Variants in SUZ12 observed in about 807,000 individuals in gnomAD.
SUZ12 encodes the protein SUZ12 polycomb repressive complex 2 subunit, also known as polycomb protein SUZ12.
A neutral mutation model predicts 87.3 loss-of-function variants in SUZ12; 17 were observed. The observed-to-expected ratio is 0.19, with a 90% CI of 0.13 to 0.29. The LOEUF (loss-of-function observed/expected upper bound fraction) is 0.29. Among genes scored for constraint, SUZ12 ranks in the 10% least tolerant of loss-of-function variants. SUZ12 has a pLI of 1.00. For missense variants in SUZ12, 526 were observed against 912.2 expected (o/e 0.58, Z 5.45); for synonymous variants, 253 against 312.4 (o/e 0.81, Z 2.01).
At chr17:31,974,268 C>G (rs998367915) in intron 6 of SUZ12, among the ~76,000 whole-genome samples, 1 of 152,114 alleles carries the variant, frequency 6.6e-6, no homozygotes, top group Admixed American at 6.5e-5. Flanking sequence ...GTGCTGGTGG[C>G]TCACGCCTGT....
chr17:31,938,897 A>G (rs1906103062), intron 1 of SUZ12, among the ~76,000 whole-genome samples: 1 of 152,204 alleles, frequency 6.6e-6, no homozygotes, highest in African/African-American at 2.4e-5. Context: ...CTGGTCATAA[A>G]ACAACTCGAA....
intron 10 of SUZ12, among the ~76,000 whole-genome samples, chr17:31,989,917 A>G (rs1909628051): frequency 1.3e-5 from 2 of 149,752 alleles, no homozygotes; most frequent in Admixed American, 6.7e-5. Context: ...CCCAGGAACT[A>G]TGTTTTTTAT....
At chr17:31,990,148 G>GTTTTTTTT (rs1567836883) in intron 10 of SUZ12, among the ~76,000 whole-genome samples, 3 of 127,062 alleles carry the variant, frequency 2.4e-5, no homozygotes, top group Non-Finnish European at 3.2e-5. Flanking sequence ...TTTTTTTTTG[G>GTTTTTTTT]ATTTTTAGTA....
At chr17:31,964,082 A>G (rs1907934179) in intron 4 of SUZ12, 1 of 152,070 alleles carries the variant, frequency 6.6e-6, no homozygotes, top group South Asian at 2.1e-4. Context: ...GCTGGAGTGC[A>G]GTGGTGCAAT....
chr17:31,946,913 A>G (rs371028670), intron 3 of SUZ12, among the ~76,000 whole-genome samples: 1 of 152,198 alleles, frequency 6.6e-6, no homozygotes, highest in African/African-American at 2.4e-5. Flanking sequence ...TAGTTTTATT[A>G]CGATTTGATG....
rs917888336 is a variant in SUZ12, at chr17:32,000,372, T to C, written c.*1369T>C. 3 of 232,694 alleles carry C rather than the reference T, an allele frequency of 1.3e-5. No individual in the cohort carries two copies. The highest frequency in any genetic ancestry group is 2.5e-5 in the Non-Finnish European group (3 of 117,800). The allele number at this position is 232,694 out of a possible 1,614,324, so 14.4% of individuals were successfully genotyped here. On this transcript the variant is annotated 3_prime_UTR_variant, in exon 16 of 16. Coordinates refer to ENST00000322652, the MANE Select transcript of SUZ12 (RefSeq NM_015355.4). ...TATAAAATGTAAATACTGATTTGAC[T>C]GGTCTTTAAGATGTGTTTAACTGTG...
intron 4 of SUZ12, among the ~76,000 whole-genome samples, chr17:31,965,155 A>T (rs571799): frequency 0.2 from 29,811 of 151,622 alleles, 3,050 homozygotes; most frequent in South Asian, 0.22. Context: ...TTAAAAAAAA[A>T]ATATATATAT....
intron 4 of SUZ12, among the ~76,000 whole-genome samples, chr17:31,964,575 T>A (rs1907975074): frequency 6.6e-6 from 1 of 151,674 alleles, no homozygotes; most frequent in African/African-American, 2.4e-5. Context: ...CCCAGCTAAT[T>A]TTTGTATTTT....
rs772968233 is a variant in SUZ12 at position 31,996,889 on chromosome 17, C to A, written c.1874+12C>A. 1 of 1,436,598 alleles carries A rather than the reference C, an allele frequency of 7.0e-7. No homozygotes were observed. The allele number at this position is 1,436,598 out of a possible 1,614,324, so 89.0% of individuals were successfully genotyped here. On this transcript the variant is annotated intron_variant, in intron 15 of 15. Transcript: ENST00000322652. ...GTCATGAAGCATGGGTAGGGTATTTCTAAATTAATTTAAATATTTTATTAT... is the reference window on the plus strand; with the variant it reads ...GTCATGAAGCATGGGTAGGGTATTTATAAATTAATTTAAATATTTTATTAT...
rs1419181659 is a variant in SUZ12 at position 31,974,273 on chromosome 17, G to A, written c.591+1042G>A. Among the ~76,000 whole-genome samples, 8 of 152,108 alleles carry A rather than the reference G, an allele frequency of 5.3e-5. No homozygotes were observed. The East Asian group carries it at 1.2e-3, about 22-fold the overall frequency. ...TCCTTGCCAGGTGCTGGTGGCTCAC[G>A]CCTGTAATCCCAGCACTTTGAGAGG... On this transcript the variant is annotated intron_variant, in intron 6 of 15. Transcript: ENST00000322652.
intron 11 of SUZ12, 140 bp from the exon 12 acceptor site, chr17:31,993,725 G>A: frequency 1.1e-6 from 1 of 894,270 alleles, no homozygotes; most frequent in Non-Finnish European, 1.6e-6. Context: ...TCGCGTCACT[G>A]GGCATATTTA....
At chr17:31,946,577 G>C (rs1906651350) in intron 3 of SUZ12, among the ~76,000 whole-genome samples, 1 of 152,148 alleles carries the variant, frequency 6.6e-6, no homozygotes, top group African/African-American at 2.4e-5. Flanking sequence ...AACTCTCTTT[G>C]AGGAATGAGA....
chr17:31,961,313 G>A (rs138920567), intron 4 of SUZ12, among the ~76,000 whole-genome samples: 1 of 152,144 alleles, frequency 6.6e-6, no homozygotes, highest in African/African-American at 2.4e-5. Context: ...CTGGGAGGCC[G>A]AGGTGGGTGG....
intron 10 of SUZ12, among the ~76,000 whole-genome samples, chr17:31,990,928 C>T (rs543646219): frequency 4.0e-5 from 6 of 151,870 alleles, no homozygotes; most frequent in South Asian, 2.1e-4. Context: ...TTGTATTTTT[C>T]GGTAGAGATG....
intron 4 of SUZ12, among the ~76,000 whole-genome samples, chr17:31,948,107 ATCTTTT>A (rs1906740670): frequency 6.6e-6 from 1 of 151,970 alleles, no homozygotes; most frequent in Non-Finnish European, 1.5e-5. Context: ...TTTTTTTTCC[ATCTTTT>A]TCTTCTCATT....
intron 11 of SUZ12, among the ~76,000 whole-genome samples, chr17:31,993,613 G>T (rs571234465): frequency 1.3e-5 from 2 of 152,052 alleles, no homozygotes; most frequent in Non-Finnish European, 2.9e-5. Context: ...TGGAGACGAG[G>T]TTTTACCATG....
rs975847693 is a variant in SUZ12, at chr17:31,988,301, C to T, written c.1024-19C>T. 2.6e-6 allele frequency: 4 copies of T among 1,519,598 alleles called. No homozygotes were observed. The African/African-American group carries it at 5.7e-5, about 22-fold the overall frequency. The allele number at this position is 1,519,598 out of a possible 1,614,324, so 94.1% of individuals were successfully genotyped here. ...TCATTATCTGAGTCTCCAGTCTTTGCATGTTTTTTATTTTTTAGAGGCTGC... is the reference window on the plus strand; with the variant it reads ...TCATTATCTGAGTCTCCAGTCTTTGTATGTTTTTTATTTTTTAGAGGCTGC... On this transcript the variant is annotated intron_variant, in intron 9 of 15. Coordinates refer to ENST00000322652, the MANE Select transcript of SUZ12 (RefSeq NM_015355.4).
chr17:31,978,876 G>A (rs2142185149), intron 8 of SUZ12, among the ~76,000 whole-genome samples: 1 of 152,172 alleles, frequency 6.6e-6, no homozygotes, highest in South Asian at 2.1e-4. Context: ...GGGAGGCTGA[G>A]GCGGGCGGAT....
At chr17:31,995,447 A>G (rs558271010) in intron 13 of SUZ12, 117 bp from the exon 14 acceptor site, 79 of 748,792 alleles carry the variant, frequency 1.1e-4, no homozygotes, top group Admixed American at 2.1e-4. Context: ...CTATTGTTTT[A>G]TGGTTAGTTT....
Sources: allele counts gnomAD v4.1 joint callset (sites outside exome capture counted in the v4.1 genomes callset), GRCh38; gene constraint gnomAD v4.1.1; transcripts MANE v1.5; gene names NCBI Gene and HGNC (gene_info 2026-07-23, HGNC 2026-07-21).